Variants in FAM193B observed in about 807,000 individuals in gnomAD.
FAM193B encodes family with sequence similarity 193 member B, also known as protein FAM193B.
Under a neutral mutation model 70.7 loss-of-function variants are expected in FAM193B, and 27 were observed. The observed-to-expected ratio is 0.38, with a 90% CI of 0.28 to 0.53. FAM193B has a LOEUF of 0.53. FAM193B is among the 20% of genes least tolerant of loss of function. The pLI, the probability that FAM193B is intolerant of heterozygous loss-of-function variation, is 0.81. For synonymous variants in FAM193B, 448 were observed against 436.0 expected (o/e 1.03, Z -0.34); for missense variants, 1,022 against 1,072.5 (o/e 0.95, Z 0.66).
chr5:177,549,179 T>G (rs1021431777), intron 1 of FAM193B, among the ~76,000 whole-genome samples: 1 of 141,132 alleles, frequency 7.1e-6, no homozygotes, highest in East Asian at 2.1e-4. Flanking sequence ...AAGACTGGAT[T>G]GTCTTTTCTT....
In FAM193B at chr5:177,532,609, T is replaced by G. The variant is rs1050254872; in HGVS notation, c.1109A>C (p.His370Pro). ...DPGCKGHKFA[H>P]SGLACQLPQP... ...GGGCAGCTGGCAAGCCAGGCCACTG[T>G]GTGCAAACTTGTGCCCCTTGCACCC... Residue 370 changes from histidine (H) to proline (P), a missense_variant, in exon 5 of 9, where the codon CAC becomes CCC. His to Pro is a moderately conservative substitution (Grantham distance 77, BLOSUM62 -2). Coordinates refer to ENST00000514747, the MANE Select transcript of FAM193B (RefSeq NM_001190946.3). The surrounding 1 kb of genome is among the most constrained non-coding windows in gnomAD (Gnocchi z 4.9). 4.4e-6 allele frequency: 7 copies of G among 1,577,306 alleles called. No homozygotes were observed. The Admixed American group carries it at 1.4e-4, about 32-fold the overall frequency.
chr5:177,535,498 G>A (rs747981092), intron 4 of FAM193B, among the ~76,000 whole-genome samples: 28 of 152,254 alleles, frequency 1.8e-4, no homozygotes, highest in Middle Eastern at 3.4e-3. Context: ...ACCTTTCTTA[G>A]TACTTAAGAG....
At chr5:177,549,180 G>GTCTTT (rs1291018705) in intron 1 of FAM193B, among the ~76,000 whole-genome samples, 1 of 134,894 alleles carries the variant, frequency 7.4e-6, no homozygotes, top group African/African-American at 2.7e-5. Flanking sequence ...AGACTGGATT[G>GTCTTT]TCTTTTCTTT....
Position 177,524,732 on chromosome 5 carries a change from G to A in FAM193B, c.1749C>T (p.Leu583=), listed in dbSNP as rs751545670. The A allele has an allele frequency of 2.6e-5, 40 of 1,552,976 alleles. No homozygotes were observed. The highest frequency in any genetic ancestry group is 4.5e-5 in the East Asian group (2 of 44,318). ...PPPGIVPENG[L]VRRLNTVPNL... ...TGGGCACGGTGTTGAGTCTCCTCAC[G>A]AGCCCGTTCTCGGGGACGATACCGG... Residue 583 remains leucine, a synonymous_variant, in exon 6 of 9, where the codon CTC becomes CTT. Transcript: ENST00000514747.
At chr5:177,553,792 G>C (rs1234137849) in intron 1 of FAM193B, 1 of 1,287,222 alleles carries the variant, frequency 7.8e-7, no homozygotes, top group Non-Finnish European at 1.0e-6. Context: ...AGGGGGCCGC[G>C]GCTGCAGGCG....
intron 1 of FAM193B, among the ~76,000 whole-genome samples, chr5:177,545,767 C>T (rs928046642): frequency 6.6e-6 from 1 of 152,056 alleles, no homozygotes. Flanking sequence ...AGACAGCTGT[C>T]AAGGACTACT....
chr5:177,543,726 CAG>C (rs1468582691), intron 1 of FAM193B, among the ~76,000 whole-genome samples: 2 of 152,244 alleles, frequency 1.3e-5, no homozygotes, highest in East Asian at 3.8e-4. Context: ...GCTCTTGGTT[CAG>C]AGTTCCCTTT....
intron 5 of FAM193B, among the ~76,000 whole-genome samples, chr5:177,528,173 T>C (rs140354832): frequency 6.6e-6 from 1 of 152,208 alleles, no homozygotes; most frequent in African/African-American, 2.4e-5. Context: ...CCAAAGACAA[T>C]GTGTGAAAAG....
intron 7 of FAM193B, among the ~76,000 whole-genome samples, chr5:177,522,326 C>G (rs999152946): frequency 7.2e-5 from 11 of 152,156 alleles, no homozygotes; most frequent in African/African-American, 2.7e-4. Flanking sequence ...GTGTTTGATT[C>G]TCTAGCTCTG....
chr5:177,524,437 T>C lies in FAM193B; in HGVS notation c.2044A>G (p.Lys682Glu). The C allele has an allele frequency of 6.2e-7, 1 of 1,607,400 alleles. No individual in the cohort carries two copies. The highest frequency in any genetic ancestry group is 8.5e-7 in the Non-Finnish European group (1 of 1,177,022). The stretch of plus-strand genomic sequence containing the variant: ...CCAGCCTCAGCACAGCTGCCTACTT[T>C]GGGAAGCTCTAGGACCCTGCCTGGC... ...KQPGRVLELPKVGSCAEAGEG... is the reference protein window; with the variant it reads ...KQPGRVLELPEVGSCAEAGEG... Residue 682 changes from lysine to glutamate, a missense_variant, in exon 6 of 9, where the codon AAA (lysine) becomes GAA (glutamate). By Grantham distance (56) the Lys-to-Glu change is moderately conservative. Transcript: ENST00000514747.
chr5:177,541,620 G>A (rs935279910), intron 1 of FAM193B, among the ~76,000 whole-genome samples: 5 of 151,994 alleles, frequency 3.3e-5, no homozygotes, highest in Non-Finnish European at 5.9e-5. Context: ...GGGGTTTCAC[G>A]GTGTTAGCCA....
At position 177,532,829 on chromosome 5, in the gene FAM193B, C is replaced by G. The variant is rs1384784468; in HGVS notation, c.1077-188G>C. Among the ~76,000 whole-genome samples, 1 of 152,246 alleles carries G rather than the reference C, an allele frequency of 6.6e-6. No homozygotes were observed. Among genetic ancestry groups the G allele is most frequent in the Admixed American group, 6.5e-5 (1 of 15,288 alleles). On this transcript the variant is annotated intron_variant, in intron 4 of 8. Transcript: ENST00000514747. This position sits in a 1 kb window ranked among gnomAD's most constrained non-coding sequence, Gnocchi z 4.9. ...ACCTGCACTGTCCCTCAAGGCCCAT[C>G]CCAAACACAAATGTGGCTCTTCTGG...
chr5:177,553,268 G>C, intron 1 of FAM193B: 1 of 987,284 alleles, frequency 1.0e-6, no homozygotes, highest in Non-Finnish European at 1.2e-6. Context: ...AGTGTCTGCA[G>C]AGCCAAACGC....
At chr5:177,551,909 G>A (rs1202096838) in intron 1 of FAM193B, 2 of 408,234 alleles carry the variant, frequency 4.9e-6, no homozygotes, top group Non-Finnish European at 6.6e-6. Context: ...TTGCACCAGG[G>A]CACAAAAGCC....
chr5:177,537,855 C>T lies in FAM193B; in HGVS notation c.688+18G>A, dbSNP rs749406845. 6 of 1,600,210 alleles carry T rather than the reference C, an allele frequency of 3.7e-6. No homozygotes were observed. Among genetic ancestry groups the T allele is most frequent in the Non-Finnish European group, 4.3e-6 (5 of 1,170,938 alleles). On this transcript the variant is annotated intron_variant, in intron 3 of 8. Coordinates refer to ENST00000514747, the MANE Select transcript of FAM193B (RefSeq NM_001190946.3). ...CACATTTATAGGGCCTGGCTCTCTC[C>T]CGAGCCTGGAGACTCACCGGGGATG...
intron 1 of FAM193B, among the ~76,000 whole-genome samples, chr5:177,552,953 T>C (rs1453741371): frequency 6.6e-6 from 1 of 152,088 alleles, no homozygotes; most frequent in East Asian, 1.9e-4. Flanking sequence ...GGGCGAGGCG[T>C]GGAAGATCAG....
chr5:177,526,379 T>G (rs1416664836), intron 5 of FAM193B, among the ~76,000 whole-genome samples: 1 of 152,166 alleles, frequency 6.6e-6, no homozygotes, highest in East Asian at 1.9e-4. Flanking sequence ...CTGGGCTTCG[T>G]GGCCCTCAGG....
intron 8 of FAM193B, 33 bp downstream of exon 8, chr5:177,521,941 A>G: frequency 6.5e-7 from 1 of 1,539,994 alleles, no homozygotes; most frequent in Non-Finnish European, 9.0e-7. Flanking sequence ...GCACAGGGAG[A>G]GGCAGTGGAT....
intron 1 of FAM193B, chr5:177,553,711 G>T (rs1182289358): frequency 1.6e-6 from 2 of 1,287,714 alleles, no homozygotes; most frequent in Non-Finnish European, 2.0e-6. Flanking sequence ...AAACTCCTCC[G>T]GGCAGCCTGG....
Sources: gnomAD v4.1 joint callset for allele counts (sites outside exome capture counted in the v4.1 genomes callset) on GRCh38, gnomAD v4.1.1 for gene constraint, Gnocchi (gnomAD v3.1) non-coding constraint, MANE v1.5 for transcripts, NCBI Gene and HGNC (gene_info 2026-07-23, HGNC 2026-07-21) for gene names.